CREG2: variants seen among roughly 807,000 people sequenced by gnomAD.
CREG2 encodes protein CREG2.
CREG2 carries 24 observed loss-of-function variants against 26.2 expected under a neutral mutation model. The observed-to-expected ratio is 0.92, with a 90% CI of 0.66 to 1.29. The LOEUF (loss-of-function observed/expected upper bound fraction) is 1.29. Among genes scored for constraint, CREG2 ranks in the 50% most tolerant of loss-of-function variants. The probability of loss-of-function intolerance (pLI) is 0.00; values close to 1 mark genes in which losing one functional copy is unlikely to be tolerated. For missense variants in CREG2, 366 were observed against 398.6 expected, an observed-to-expected ratio of 0.92 and a Z score of 0.70; for synonymous variants, 174 against 169.2, an observed-to-expected ratio of 1.03 and a Z score of -0.22.
At chr2:101,355,203 T>C (rs1307574990) in intron 3 of CREG2, 50 bp downstream of exon 3, 1 of 1,194,346 alleles carries the variant, frequency 8.4e-7, no homozygotes. Flanking sequence ...GACCTCTGCT[T>C]ATTAGTATTG....
rs924098353 is a variant in CREG2, at chr2:101,349,818, T to C, written c.*1105A>G. ...TCTTTTTTACAATCACTTTACTGAT[T>C]TTCCTGGTTCAATTTCTACCCATGC... On this transcript the variant is annotated 3_prime_UTR_variant, in exon 4 of 4. Transcript: ENST00000324768. 2.0e-5 allele frequency: 3 copies of C among 152,180 alleles called. No individual in the cohort carries two copies. Among genetic ancestry groups the C allele is most frequent in the African/African-American group, 7.2e-5 (3 of 41,440 alleles). The allele number at this position is 152,180 out of a possible 1,614,324, so 9.4% of individuals were successfully genotyped here. A position where few individuals can be genotyped will look rare whatever the true frequency, so the allele number is the denominator to read the frequency against.
intron 2 of CREG2, among the ~76,000 whole-genome samples, chr2:101,368,022 C>T (rs984910351): frequency 3.9e-5 from 6 of 152,196 alleles, no homozygotes; most frequent in African/African-American, 1.2e-4. Flanking sequence ...GGCACGGTGG[C>T]TCAGGCCTAT....
At position 101,387,101 on chromosome 2, in the gene CREG2, G is replaced by A; in HGVS notation, c.357C>T (p.Gly119=). The change falls in exon 1 of 4, where the codon GGC becomes GGT. Residue 119 remains glycine, a synonymous_variant. Coordinates refer to ENST00000324768, the MANE Select transcript of CREG2 (RefSeq NM_153836.4). The surrounding 1 kb of genome is among the most constrained non-coding windows in gnomAD (Gnocchi z 4.7). ...EGGQTASAPP[G]PRLRAATARS... ...GGGCGGTGGCGGCGCGCAGTCTAGG[G>A]CCCGGGGGCGCACTGGCCGTCTGGC... 8.0e-7 allele frequency: 1 copy of A among 1,243,154 alleles called. No homozygotes were observed. Among genetic ancestry groups the A allele is most frequent in the Non-Finnish European group, 1.0e-6 (1 of 995,372 alleles). The allele number at this position is 1,243,154 out of a possible 1,614,324, so 77.0% of individuals were successfully genotyped here.
intron 2 of CREG2, among the ~76,000 whole-genome samples, chr2:101,361,564 C>T (rs141454007): frequency 6.6e-6 from 1 of 152,298 alleles, no homozygotes; most frequent in Non-Finnish European, 1.5e-5. Flanking sequence ...CAGACTCTGC[C>T]CCAGGGCTTC....
intron 2 of CREG2, among the ~76,000 whole-genome samples, chr2:101,363,393 CCTT>C (rs1684573041): frequency 6.6e-6 from 1 of 152,186 alleles, no homozygotes; most frequent in Non-Finnish European, 1.5e-5. Context: ...GATAAGTAGT[CCTT>C]CTCTTGCTAC....
intron 2 of CREG2, among the ~76,000 whole-genome samples, chr2:101,369,442 G>A (rs1239673733): frequency 6.6e-6 from 1 of 152,158 alleles, no homozygotes; most frequent in Admixed American, 6.5e-5. Flanking sequence ...GGAAGCAGGT[G>A]GACTTGGGTC....
chr2:101,384,196 A>G (rs1269034138), intron 1 of CREG2, among the ~76,000 whole-genome samples: 1 of 152,146 alleles, frequency 6.6e-6, no homozygotes, highest in Non-Finnish European at 1.5e-5. Flanking sequence ...GGAACTTTCT[A>G]TTATTGTTTC....
chr2:101,378,458 C>G (rs1431864834), intron 2 of CREG2, among the ~76,000 whole-genome samples: 1 of 152,210 alleles, frequency 6.6e-6, no homozygotes, highest in African/African-American at 2.4e-5. Context: ...CATCCTTGCC[C>G]TTCAGGCAGT....
intron 3 of CREG2, among the ~76,000 whole-genome samples, chr2:101,354,191 T>A (rs1205371796): frequency 6.6e-6 from 1 of 152,134 alleles, no homozygotes; most frequent in Non-Finnish European, 1.5e-5. Flanking sequence ...TGGCCTCTTC[T>A]CATTGCTTAT....
At chr2:101,355,412 A>G (rs1270744796) in intron 2 of CREG2, 46 bp from the exon 3 acceptor site, 5 of 1,211,154 alleles carry the variant, frequency 4.1e-6, no homozygotes, top group Non-Finnish European at 6.1e-6. Context: ...AGGACAGAAC[A>G]TCAGCCAGCA....
At chr2:101,375,668 C>T in intron 2 of CREG2, 1 of 201,474 alleles carries the variant, frequency 5.0e-6, no homozygotes, top group Non-Finnish European at 1.1e-5. Context: ...GACCTGCTCA[C>T]GTCTAGGCAT....
At chr2:101,384,473 G>A (rs1445419566) in intron 1 of CREG2, among the ~76,000 whole-genome samples, 1 of 152,162 alleles carries the variant, frequency 6.6e-6, no homozygotes, top group African/African-American at 2.4e-5. Context: ...AGTGGGAAGG[G>A]TTTGGGTCAT....
At chr2:101,368,567 C>A (rs1056956904) in intron 2 of CREG2, among the ~76,000 whole-genome samples, 5 of 152,190 alleles carry the variant, frequency 3.3e-5, no homozygotes, top group African/African-American at 7.2e-5. Context: ...GACGGCTTGC[C>A]ACGCAATTAG....
intron 1 of CREG2, among the ~76,000 whole-genome samples, chr2:101,386,079 A>G (rs1392858758): frequency 1.3e-5 from 2 of 152,232 alleles, no homozygotes; most frequent in African/African-American, 2.4e-5. Flanking sequence ...GGTTAAGACC[A>G]TTGCCAAACT....
chr2:101,361,068 A>C (rs977784967), intron 2 of CREG2, among the ~76,000 whole-genome samples: 8 of 152,246 alleles, frequency 5.3e-5, no homozygotes, highest in African/African-American at 1.7e-4. Context: ...GAAAGCAATG[A>C]AATTAACCTT....
At chr2:101,382,331 A>G (rs979190871) in intron 2 of CREG2, 5 of 221,568 alleles carry the variant, frequency 2.3e-5, no homozygotes, top group Non-Finnish European at 3.0e-5. Context: ...GGCAGGGAGA[A>G]TTGCTTGAAC....
At chr2:101,358,005 T>A (rs1036126655) in intron 2 of CREG2, among the ~76,000 whole-genome samples, 1 of 147,352 alleles carries the variant, frequency 6.8e-6, no homozygotes, top group Admixed American at 6.7e-5. Context: ...CTAGGCTACC[T>A]GTCATCTGGT....
chr2:101,379,398 G>T (rs1250362086), intron 2 of CREG2, among the ~76,000 whole-genome samples: 2 of 152,136 alleles, frequency 1.3e-5, no homozygotes, highest in Non-Finnish European at 2.9e-5. Context: ...CAAGATATTG[G>T]CTTCTCACGG....
chr2:101,347,337 G>T lies in CREG2; in HGVS notation c.*3586C>A, dbSNP rs1382755654. On this transcript the variant is annotated 3_prime_UTR_variant, in exon 4 of 4. Coordinates refer to ENST00000324768, the MANE Select transcript of CREG2 (RefSeq NM_153836.4). ...TTCATTTCTCTTGTATAAATGCCCA[G>T]GAGCAATTGAGGGTCAGTATGGCAG... The T allele has an allele frequency of 6.6e-6, 1 of 152,142 alleles. No individual in the cohort carries two copies. The highest frequency in any genetic ancestry group is 2.4e-5 in the African/African-American group (1 of 41,412). 9.4% of individuals were successfully genotyped at this position (152,142 alleles called of 1,614,324 possible). A position where few individuals can be genotyped will look rare whatever the true frequency, so the allele number is the denominator to read the frequency against.
Sources: gnomAD v4.1 joint callset for allele counts (sites outside exome capture counted in the v4.1 genomes callset) on GRCh38, gnomAD v4.1.1 for gene constraint, Gnocchi (gnomAD v3.1) non-coding constraint, MANE v1.5 for transcripts, NCBI Gene and HGNC (gene_info 2026-07-23, HGNC 2026-07-21) for gene names.